Variants in CERKL observed in about 807,000 individuals in gnomAD.
CERKL encodes the protein ceramide kinase-like protein.
Under a neutral mutation model 63.4 loss-of-function variants are expected in CERKL, and 61 were observed. The observed-to-expected ratio is 0.96, with a 90% CI of 0.78 to 1.19. CERKL has a LOEUF of 1.19. Among genes scored for constraint, CERKL ranks in the 50% most tolerant of loss-of-function variants. The pLI, the probability that CERKL is intolerant of heterozygous loss-of-function variation, is 0.00. For synonymous variants in CERKL, 250 were observed against 230.5 expected (o/e 1.08, Z -0.77); for missense variants, 675 against 655.5 (o/e 1.03, Z -0.33).
chr2:181,605,867 T>C (rs948384372), intron 1 of CERKL, among the ~76,000 whole-genome samples: 6 of 151,980 alleles, frequency 3.9e-5, no homozygotes, highest in East Asian at 3.9e-4. Context: ...GTATGAACAA[T>C]GTTATCCTCC....
At chr2:181,656,195 G>A (rs1377889470) in intron 1 of CERKL, among the ~76,000 whole-genome samples, 1 of 152,114 alleles carries the variant, frequency 6.6e-6, no homozygotes, top group Admixed American at 6.5e-5. Flanking sequence ...TCTAGACCGA[G>A]CCTGAAGAAG....
intron 1 of CERKL, among the ~76,000 whole-genome samples, chr2:181,623,523 T>C (rs1163453027): frequency 6.6e-6 from 1 of 152,244 alleles, no homozygotes; most frequent in Non-Finnish European, 1.5e-5. Context: ...AGTATGTATT[T>C]GAGTGAAAAA....
At chr2:181,629,174 T>C (rs1008435529) in intron 1 of CERKL, among the ~76,000 whole-genome samples, 3 of 152,228 alleles carry the variant, frequency 2.0e-5, no homozygotes, top group African/African-American at 7.2e-5. Context: ...ATAAGAATCT[T>C]AGTTCTATTA....
chr2:181,565,416 AAATTTATAT>A (rs756581102), intron 4 of CERKL: 2 of 1,595,206 alleles, frequency 1.3e-6, no homozygotes, highest in South Asian at 2.2e-5. Context: ...AATGGCAATG[AAATTTATAT>A]CACTTGCCTT....
chr2:181,548,560 T>C lies in CERKL; in HGVS notation c.1118A>G (p.Asp373Gly). 5 of 1,612,012 alleles carry C rather than the reference T, an allele frequency of 3.1e-6. No individual in the cohort carries two copies. Among genetic ancestry groups the C allele is most frequent in the Non-Finnish European group, 4.2e-6 (5 of 1,178,458 alleles). Residue 373 changes from aspartate (D) to glycine (G), a missense_variant, in exon 8 of 13, where the codon GAT becomes GGT. Asp to Gly is a moderately conservative substitution (Grantham distance 94, BLOSUM62 -1). Transcript: ENST00000410087. ...TTTTACCTACCTTTCTTGCACATCA[T>C]CAGAGCTGTTAAATGGTAAAAATGA... Reference protein sequence around the residue: ...EISFLPFNSSDDVQERRAQGS... With the variant: ...EISFLPFNSSGDVQERRAQGS...
At chr2:181,655,582 T>C (rs1688120888) in intron 1 of CERKL, among the ~76,000 whole-genome samples, 3 of 152,242 alleles carry the variant, frequency 2.0e-5, no homozygotes, top group African/African-American at 4.8e-5. Flanking sequence ...CGAGCGAGCA[T>C]GGCACATGCA....
chr2:181,547,399 T>C (rs1190619441), intron 10 of CERKL, among the ~76,000 whole-genome samples: 1 of 152,188 alleles, frequency 6.6e-6, no homozygotes. Flanking sequence ...GAAATATTAT[T>C]TTAGCCTCAG....
rs1410560204 is a variant in CERKL at position 181,537,254 on chromosome 2, G to A, written c.*930C>T. ...TGGTCTCTAAGGAAATTTACATTTG[G>A]TTCTTTCCTACTCAGAACTACTCAG... On this transcript the variant is annotated 3_prime_UTR_variant, in exon 13 of 13. Transcript: ENST00000410087. The A allele has an allele frequency of 6.6e-6, 3 of 453,604 alleles. No individual in the cohort carries two copies. The highest frequency in any genetic ancestry group is 8.8e-6 in the Non-Finnish European group (2 of 226,718). 28.1% of individuals were successfully genotyped at this position (453,604 alleles called of 1,614,324 possible).
At chr2:181,648,227 C>A (rs917150909) in intron 1 of CERKL, among the ~76,000 whole-genome samples, 1 of 152,064 alleles carries the variant, frequency 6.6e-6, no homozygotes, top group African/African-American at 2.4e-5. Context: ...CTCTGTGGCA[C>A]ATTATAGTCA....
intron 1 of CERKL, among the ~76,000 whole-genome samples, chr2:181,608,034 C>A (rs923515874): frequency 1.4e-4 from 21 of 152,186 alleles, no homozygotes; most frequent in African/African-American, 5.1e-4. Flanking sequence ...CTTATGTTTG[C>A]CCAGTCTAGA....
intron 1 of CERKL, among the ~76,000 whole-genome samples, chr2:181,651,157 AT>A (rs1179300736): frequency 6.6e-6 from 1 of 152,232 alleles, no homozygotes; most frequent in Non-Finnish European, 1.5e-5. Flanking sequence ...AGCAAAGGGA[AT>A]ACTTCCAAAC....
chr2:181,641,328 TATATATATATATATATACATATATATAC>T (rs1293672251), intron 1 of CERKL, among the ~76,000 whole-genome samples: 620 of 7,186 alleles, frequency 0.086, 8 homozygotes, highest in East Asian at 0.33. Context: ...TATATATATA[TATATATATATATATATACATATATATAC>T]ACATATTTTT....
intron 2 of CERKL, among the ~76,000 whole-genome samples, chr2:181,580,130 A>G (rs1307464846): frequency 1.3e-5 from 2 of 151,940 alleles, no homozygotes; most frequent in Admixed American, 6.5e-5. Flanking sequence ...TGCATTAAAT[A>G]TAAATTATCT....
intron 1 of CERKL, among the ~76,000 whole-genome samples, chr2:181,618,030 C>CA (rs1686277409): frequency 6.6e-6 from 1 of 152,150 alleles, no homozygotes; most frequent in South Asian, 2.1e-4. Context: ...CTCAGAAAGT[C>CA]AAATACCACA....
chr2:181,634,497 AT>A (rs1687093738), intron 1 of CERKL, among the ~76,000 whole-genome samples: 1 of 152,048 alleles, frequency 6.6e-6, no homozygotes, highest in African/African-American at 2.4e-5. Flanking sequence ...GGTGAAAAAA[AT>A]TTTTTCCAGT....
rs191680775 is a variant in CERKL, at chr2:181,537,479, A to T, written c.*705T>A. On this transcript the variant is annotated 3_prime_UTR_variant, in exon 13 of 13. Coordinates refer to ENST00000410087, the MANE Select transcript of CERKL (RefSeq NM_201548.5). ...ACCCTACCACTTTAAGAAGACAGGG[A>T]TGGGTTATTCTTTTTTGGCAGGTAG... 58 of 452,864 alleles carry T rather than the reference A, an allele frequency of 1.3e-4. 1 individual carries two copies. Among genetic ancestry groups the T allele is most frequent in the African/African-American group, 1.1e-3 (55 of 49,752 alleles). 28.1% of individuals were successfully genotyped at this position (452,864 alleles called of 1,614,324 possible).
At chr2:181,628,653 G>A (rs921978524) in intron 1 of CERKL, among the ~76,000 whole-genome samples, 7 of 152,118 alleles carry the variant, frequency 4.6e-5, no homozygotes, top group Non-Finnish European at 1.0e-4. Context: ...TGCTCTTCAA[G>A]GGGATACATG....
chr2:181,573,472 A>T (rs973424599), intron 3 of CERKL, among the ~76,000 whole-genome samples: 1 of 152,232 alleles, frequency 6.6e-6, no homozygotes, highest in Non-Finnish European at 1.5e-5. Context: ...CTCCATGAAG[A>T]TGTAAACAAG....
intron 11 of CERKL, among the ~76,000 whole-genome samples, chr2:181,540,833 G>A (rs1687473302): frequency 6.6e-6 from 1 of 152,176 alleles, no homozygotes; most frequent in Admixed American, 6.5e-5. Flanking sequence ...GTGCCATGAT[G>A]GTGCAAGTGT....
Sources: gnomAD v4.1 joint callset for allele counts (sites outside exome capture counted in the v4.1 genomes callset) on GRCh38, gnomAD v4.1.1 for gene constraint, MANE v1.5 for transcripts, NCBI Gene and HGNC (gene_info 2026-07-23, HGNC 2026-07-21) for gene names.